The following AGRN variants were observed in gnomAD, a reference collection of about 807,000 sequenced individuals.
The protein encoded by AGRN is agrin proteoglycan.
AGRN carries 106 observed loss-of-function variants against 211.0 expected under a neutral mutation model. The ratio of observed to expected loss-of-function variants is 0.50; its 90% confidence interval spans 0.43 to 0.59. The LOEUF (loss-of-function observed/expected upper bound fraction) is 0.59. AGRN is among the 20% of genes least tolerant of loss of function. AGRN has a pLI of 0.00. For missense variants in AGRN, 3,040 were observed against 2,982.6 expected, an observed-to-expected ratio of 1.02 and a Z score of -0.45; for synonymous variants, 1,525 against 1,332.5, an observed-to-expected ratio of 1.14 and a Z score of -3.15.
intron 3 of AGRN, among the ~76,000 whole-genome samples, chr1:1,039,411 T>TGGG (rs36095704): frequency 0.32 from 47,214 of 147,930 alleles, 7,730 homozygotes; most frequent in South Asian, 0.38. Context: ...TCCTTGGAGA[T>TGGG]GGGGGGGGTT....
Position 1,054,436 on chromosome 1 carries a change from C to T in AGRN, c.5877-12C>T, listed in dbSNP as rs1396754731. ...CTGGGCCCTGATGGTCTCCCCCTCC[C>T]TGCACACCCAGGGAGCAGAGGGAAG... is the stretch of plus-strand genomic sequence containing the variant. On this transcript the variant is annotated splice_polypyrimidine_tract_variant and intron_variant, in intron 34 of 35. Coordinates refer to ENST00000379370, the MANE Select transcript of AGRN (RefSeq NM_198576.4). 1 of 1,569,326 alleles carries T rather than the reference C, an allele frequency of 6.4e-7. No individual in the cohort carries two copies. Among genetic ancestry groups the T allele is most frequent in the Non-Finnish European group, 8.6e-7 (1 of 1,157,012 alleles).
At chr1:1,034,114 C>T (rs1323963990) in intron 2 of AGRN, 2 of 985,300 alleles carry the variant, frequency 2.0e-6, no homozygotes, top group Non-Finnish European at 2.4e-6. Flanking sequence ...CCTGCCCGCT[C>T]CTATCGCCGC....
Position 1,022,197 on chromosome 1 carries a change from C to T in AGRN, c.202-4C>T, listed in dbSNP as rs907583629. ...AATGACACCTACCGCCATGTCCACC[C>T]CAGGTTCGGGTCTGGCGGTACTTGA... On this transcript the variant is annotated splice_region_variant and splice_polypyrimidine_tract_variant and intron_variant, in intron 1 of 35. Coordinates refer to ENST00000379370, the MANE Select transcript of AGRN (RefSeq NM_198576.4). 6.2e-7 allele frequency: 1 copy of T among 1,612,842 alleles called. No individual in the cohort carries two copies. The highest frequency in any genetic ancestry group is 8.5e-7 in the Non-Finnish European group (1 of 1,179,996).
Position 1,048,949 on chromosome 1 carries a change from G to A in AGRN, c.4188G>A (p.Leu1396=), listed in dbSNP as rs1645184668. Residue 1396 remains leucine (L), a synonymous_variant, in exon 24 of 36, where the codon CTG becomes CTA. Coordinates refer to ENST00000379370, the MANE Select transcript of AGRN (RefSeq NM_198576.4). The surrounding 1 kb of genome is among the most constrained non-coding windows in gnomAD (Gnocchi z 5.9). The part of the protein sequence containing the change: ...PTLRAYHTLR[L]ALEFRALEPQ... ...TCCGCGCCTACCACACGCTGCGCCT[G>A]GCACTGGAATTCCGGGCGCTGGAGC... 2 of 1,569,052 alleles carry A rather than the reference G, an allele frequency of 1.3e-6. No homozygotes were observed. Among genetic ancestry groups the A allele is most frequent in the Non-Finnish European group, 1.7e-6 (2 of 1,158,668 alleles).
chr1:1,049,881 G>C (rs758722712), intron 26 of AGRN, 22 bp from the exon 27 acceptor site: 2 of 1,611,322 alleles, frequency 1.2e-6, no homozygotes, highest in East Asian at 2.2e-5. Context: ...CCTCGGTCCC[G>C]GTCCCGTCTT....
chr1:1,029,338 T>A (rs1644594334), intron 2 of AGRN, among the ~76,000 whole-genome samples: 2 of 143,514 alleles, frequency 1.4e-5, no homozygotes, highest in Admixed American at 1.5e-4. Flanking sequence ...AAATTAATGT[T>A]GCACAAAGAT....
Position 1,049,075 on chromosome 1 carries a change from A to G in AGRN, c.4298+16A>G, listed in dbSNP as rs1218750135. On this transcript the variant is annotated intron_variant, in intron 24 of 35. Coordinates refer to ENST00000379370, the MANE Select transcript of AGRN (RefSeq NM_198576.4). Reference sequence around the variant, plus strand: ...TGCAGCTCAGGTGGGCGGGGAGGGGACGGGGCCGGGGCAGCTCAGGTGGGC... The same window carrying G: ...TGCAGCTCAGGTGGGCGGGGAGGGGGCGGGGCCGGGGCAGCTCAGGTGGGC... The G allele has an allele frequency of 2.9e-6, 4 of 1,388,054 alleles. No individual in the cohort carries two copies. Among genetic ancestry groups the G allele is most frequent in the Admixed American group, 2.2e-5 (1 of 45,716 alleles). 86.0% of individuals were successfully genotyped at this position (1,388,054 alleles called of 1,614,324 possible).
Position 1,043,686 on chromosome 1 carries a change from C to T in AGRN, c.1752C>T (p.Ala584=), listed in dbSNP as rs759907766. 6.2e-7 allele frequency: 1 copy of T among 1,600,892 alleles called. No homozygotes were observed. Among genetic ancestry groups the T allele is most frequent in the South Asian group, 1.1e-5 (1 of 91,078 alleles). The change falls in exon 9 of 36, where the codon GCC becomes GCT. Residue 584 remains alanine, a synonymous_variant. Coordinates refer to ENST00000379370, the MANE Select transcript of AGRN (RefSeq NM_198576.4). ...YPSECMLHVH[A]CTHQISLHVA... Reference sequence around the variant, plus strand: ...GCGAGTGCATGCTGCACGTGCACGCCTGCACACACCAGATCAGCCTGCACG... The same window carrying T: ...GCGAGTGCATGCTGCACGTGCACGCTTGCACACACCAGATCAGCCTGCACG...
At chr1:1,024,986 C>T (rs1432350250) in intron 2 of AGRN, among the ~76,000 whole-genome samples, 1 of 152,124 alleles carries the variant, frequency 6.6e-6, no homozygotes, top group Non-Finnish European at 1.5e-5. Flanking sequence ...CTCCTCCGGC[C>T]CTCGCCACCC....
intron 2 of AGRN, among the ~76,000 whole-genome samples, chr1:1,033,938 A>G (rs1360445815): frequency 6.6e-6 from 1 of 151,280 alleles, no homozygotes; most frequent in Non-Finnish European, 1.5e-5. Context: ...GGGTCCCTGG[A>G]GGCGGCTTCC....
intron 33 of AGRN, chr1:1,052,519 G>GTT: frequency 4.0e-6 from 1 of 249,928 alleles, no homozygotes. Flanking sequence ...GTGTCCGTGT[G>GTT]TGTGTGTGTG....
chr1:1,040,450 G>A (rs573085309), intron 3 of AGRN, among the ~76,000 whole-genome samples: 1 of 152,318 alleles, frequency 6.6e-6, no homozygotes, highest in South Asian at 2.1e-4. Context: ...CCCTGGAGAG[G>A]CCCGGGGCTG....
At chr1:1,039,258 G>A (rs1268297017) in intron 3 of AGRN, among the ~76,000 whole-genome samples, 1 of 152,098 alleles carries the variant, frequency 6.6e-6, no homozygotes, top group Non-Finnish European at 1.5e-5. Flanking sequence ...GGGGGAGCAT[G>A]GGTAGGTTGC....
chr1:1,033,685 C>G (rs1287775352), intron 2 of AGRN, among the ~76,000 whole-genome samples: 1 of 128,696 alleles, frequency 7.8e-6, no homozygotes, highest in Non-Finnish European at 1.7e-5. Flanking sequence ...AGCCTCAGCG[C>G]CCCCAGGCCC....
In AGRN at chr1:1,040,875, C is replaced by T. The variant is rs1424956091; in HGVS notation, c.722C>T (p.Pro241Leu). The T allele has an allele frequency of 4.0e-6, 6 of 1,504,874 alleles. No individual in the cohort carries two copies. Among genetic ancestry groups the T allele is most frequent in the Non-Finnish European group, 4.4e-6 (5 of 1,134,260 alleles). 93.2% of individuals were successfully genotyped at this position (1,504,874 alleles called of 1,614,324 possible). The change falls in exon 4 of 36, where the codon CCG (proline) becomes CTG (leucine). Residue 241 changes from proline (P) to leucine (L), a missense_variant. By Grantham distance (98) the Pro-to-Leu change is moderately conservative. Coordinates refer to ENST00000379370, the MANE Select transcript of AGRN (RefSeq NM_198576.4). Reference protein sequence around the residue: ...QRRIRLLSRGPCGSRDPCSNV... With the variant: ...QRRIRLLSRGLCGSRDPCSNV... ...CGCATCCGCCTGCTCAGCCGCGGGC[C>T]GTGCGGTGAGCGGGGCGGGGCCGGT... is the stretch of plus-strand genomic sequence containing the variant.
Position 1,048,741 on chromosome 1 carries a change from G to A in AGRN, c.4106-126G>A, listed in dbSNP as rs1311337765. On this transcript the variant is annotated intron_variant, in intron 23 of 35. Transcript: ENST00000379370. This position sits in a 1 kb window ranked among gnomAD's most constrained non-coding sequence, Gnocchi z 5.9. ...AGGATCGCGCCACTGCACTCCAGCC[G>A]GGGCAAAAAGAGCAAAACTCCGTCT... 1.4e-5 allele frequency: 17 copies of A among 1,194,080 alleles called. No homozygotes were observed. Among genetic ancestry groups the A allele is most frequent in the African/African-American group, 3.3e-5 (2 of 61,008 alleles). The allele number at this position is 1,194,080 out of a possible 1,614,324, so 74.0% of individuals were successfully genotyped here. A position where few individuals can be genotyped will look rare whatever the true frequency, so the allele number is the denominator to read the frequency against.
chr1:1,026,704 G>A (rs773052509), intron 2 of AGRN, among the ~76,000 whole-genome samples: 24 of 152,104 alleles, frequency 1.6e-4, no homozygotes, highest in Non-Finnish European at 3.2e-4. Context: ...GAAGCCCAGC[G>A]GGGCTGGGGC....
intron 30 of AGRN, 78 bp downstream of exon 30, chr1:1,050,915 C>T (rs1645266603): frequency 5.2e-6 from 8 of 1,528,626 alleles, no homozygotes; most frequent in Admixed American, 2.0e-5. Context: ...CCCCTGCCGG[C>T]GCTCACGGAG....
Position 1,047,864 on chromosome 1 carries a change from G to A in AGRN, c.3720G>A (p.Pro1240=), listed in dbSNP as rs550897417. 157 of 1,605,584 alleles carry A rather than the reference G, an allele frequency of 9.8e-5. No individual in the cohort carries two copies. Among genetic ancestry groups the A allele is most frequent in the African/African-American group, 7.2e-4 (54 of 74,864 alleles). The change falls in exon 22 of 36, where the codon CCG becomes CCA. Residue 1240 remains proline (P), a synonymous_variant. Transcript: ENST00000379370. ...GCCGGTCCTTGGGGGTGAGGCGGCCGCTGCAGGAGCACGTGCGATTTATGG... is the reference window on the plus strand; with the variant it reads ...GCCGGTCCTTGGGGGTGAGGCGGCCACTGCAGGAGCACGTGCGATTTATGG... ...SRRRSLGVRR[P]LQEHVRFMDF...
Sources: gnomAD v4.1 joint callset for allele counts (sites outside exome capture counted in the v4.1 genomes callset) on GRCh38, gnomAD v4.1.1 for gene constraint, Gnocchi (gnomAD v3.1) non-coding constraint, MANE v1.5 for transcripts, NCBI Gene and HGNC (gene_info 2026-07-23, HGNC 2026-07-21) for gene names.